The following PDZD2 variants were observed in gnomAD, a reference collection of about 807,000 sequenced individuals.
The protein encoded by PDZD2 is PDZ domain containing 2, also known as PDZ domain-containing protein 2.
In PDZD2, 90 loss-of-function variants were observed where a neutral mutation model predicts 220.7. The ratio of observed to expected loss-of-function variants is 0.41; its 90% confidence interval spans 0.34 to 0.49. The LOEUF is 0.49. Among genes scored for constraint, PDZD2 ranks in the 20% least tolerant of loss-of-function variants. The probability of loss-of-function intolerance (pLI) is 0.28; values close to 1 mark genes in which losing one functional copy is unlikely to be tolerated. For synonymous variants in PDZD2, 1,375 were observed against 1,450.5 expected (o/e 0.95, Z 1.18); for missense variants, 3,174 against 3,608.5 (o/e 0.88, Z 3.08).
intron 1 of PDZD2, among the ~76,000 whole-genome samples, chr5:31,725,292 C>T (rs1214055161): frequency 7.2e-6 from 1 of 138,500 alleles, no homozygotes; most frequent in African/African-American, 2.7e-5. Flanking sequence ...GAGCCAAGAT[C>T]ATGCCATTGC....
In PDZD2 at chr5:32,089,048, G is replaced by C. The variant is rs1246727573; in HGVS notation, c.5600G>C (p.Ser1867Thr). 1 of 1,613,942 alleles carries C rather than the reference G, an allele frequency of 6.2e-7. No individual in the cohort carries two copies. The highest frequency in any genetic ancestry group is 8.5e-7 in the Non-Finnish European group (1 of 1,179,984). ...NLENKDLSKK[S>T]PAEMLLTNGQ... ...GAAAATAAGGACCTGTCTAAGAAGA[G>C]TCCGGCAGAAATGCTTCTGACTAAT... Residue 1867 changes from serine (S) to threonine (T), a missense_variant, in exon 20 of 25, where the codon AGT becomes ACT. By Grantham distance (58) the Ser-to-Thr change is moderately conservative. Around this residue, in one of 4 missense-constraint regions of PDZD2, gnomAD observed 1,861 missense variants for 2,001.0 expected, o/e 0.93. Coordinates refer to ENST00000438447, the MANE Select transcript of PDZD2 (RefSeq NM_178140.4).
chr5:32,050,562 G>T (rs762109735), intron 8 of PDZD2, among the ~76,000 whole-genome samples: 1 of 151,902 alleles, frequency 6.6e-6, no homozygotes, highest in Non-Finnish European at 1.5e-5. Flanking sequence ...GATCATGCCC[G>T]TAATCCCAGC....
At chr5:31,908,932 A>G in intron 2 of PDZD2, 1 of 342,526 alleles carries the variant, frequency 2.9e-6, no homozygotes, top group Non-Finnish European at 5.5e-6. Flanking sequence ...CTGTAATCCC[A>G]GCTACTTGGG....
At chr5:31,973,012 T>C (rs1262611966) in intron 2 of PDZD2, among the ~76,000 whole-genome samples, 1 of 152,260 alleles carries the variant, frequency 6.6e-6, no homozygotes, top group Non-Finnish European at 1.5e-5. Context: ...AGGGCCAGTA[T>C]CTCTGCAGTA....
intron 2 of PDZD2, among the ~76,000 whole-genome samples, chr5:31,946,874 A>C (rs1205361210): frequency 6.6e-6 from 1 of 152,126 alleles, no homozygotes; most frequent in Non-Finnish European, 1.5e-5. Flanking sequence ...GTTTTTAAAA[A>C]TATTTTTTGT....
intron 6 of PDZD2, among the ~76,000 whole-genome samples, chr5:32,028,164 C>T (rs1206449272): frequency 6.6e-6 from 1 of 152,154 alleles, no homozygotes; most frequent in Non-Finnish European, 1.5e-5. Context: ...GAGATAAAAG[C>T]CACGCTTTGC....
intron 1 of PDZD2, among the ~76,000 whole-genome samples, chr5:31,703,105 C>T (rs1747669832): frequency 6.6e-6 from 1 of 152,232 alleles, no homozygotes; most frequent in South Asian, 2.1e-4. Context: ...TTCATGCTCT[C>T]TGAATGGGAA....
chr5:32,028,712 C>T lies in PDZD2; in HGVS notation c.1408-8519C>T, dbSNP rs371100556. Among the ~76,000 whole-genome samples the T allele has an allele frequency of 8.8e-5, 12 of 136,386 alleles. No individual in the cohort carries two copies. In the East Asian group the frequency reaches 2.1e-3, roughly 24 times the overall value. 89.5% of individuals were successfully genotyped at this position (136,386 alleles called of 152,430 possible). A position where few individuals can be genotyped will look rare whatever the true frequency, so the allele number is the denominator to read the frequency against. On this transcript the variant is annotated intron_variant, in intron 6 of 24. Coordinates refer to ENST00000438447, the MANE Select transcript of PDZD2 (RefSeq NM_178140.4). ...TTTTTTTTTTTTTGAGACAGAGTCTCGCTCTTGTTGCCCAGGCTGGAGTGC... is the reference window on the plus strand; with the variant it reads ...TTTTTTTTTTTTTGAGACAGAGTCTTGCTCTTGTTGCCCAGGCTGGAGTGC...
chr5:32,050,553 A>T (rs942119731), intron 8 of PDZD2, among the ~76,000 whole-genome samples: 9 of 152,058 alleles, frequency 5.9e-5, no homozygotes, highest in Non-Finnish European at 1.0e-4. Context: ...TACAACCAGG[A>T]TCATGCCCGT....
intron 2 of PDZD2, among the ~76,000 whole-genome samples, chr5:31,914,209 G>T (rs1437819380): frequency 6.6e-6 from 1 of 152,198 alleles, no homozygotes; most frequent in Non-Finnish European, 1.5e-5. Flanking sequence ...AAAGTTTATT[G>T]CATTGTCATT....
intron 2 of PDZD2, chr5:31,832,675 G>T (rs1756683229): frequency 6.6e-6 from 1 of 152,152 alleles, no homozygotes; most frequent in African/African-American, 2.4e-5. Flanking sequence ...AATAAGCCAG[G>T]CACGGTGGCG....
At chr5:31,886,816 G>T (rs1238065255) in intron 2 of PDZD2, among the ~76,000 whole-genome samples, 2 of 151,982 alleles carry the variant, frequency 1.3e-5, no homozygotes, top group East Asian at 3.9e-4. Flanking sequence ...TCCTGCCTCA[G>T]CCTCCCGAGT....
At chr5:31,804,043 C>CA (rs59174858) in intron 2 of PDZD2, among the ~76,000 whole-genome samples, 21,709 of 130,580 alleles carry the variant, frequency 0.17, 1,721 homozygotes, top group African/African-American at 0.2. Flanking sequence ...ACCCTGCGTC[C>CA]AAAAAAAAAA....
chr5:31,828,443 C>A (rs2150265175), intron 2 of PDZD2, among the ~76,000 whole-genome samples: 1 of 152,298 alleles, frequency 6.6e-6, no homozygotes, highest in South Asian at 2.1e-4. Flanking sequence ...ATGTTGAACA[C>A]CTTTTCATGT....
chr5:31,986,076 CA>C (rs55659088), intron 3 of PDZD2, among the ~76,000 whole-genome samples: 21,846 of 102,358 alleles, frequency 0.21, 1,594 homozygotes, highest in Middle Eastern at 0.3. Context: ...ACTCTTGTCT[CA>C]AAAAAAAAAA....
Position 32,075,691 on chromosome 5 carries a change from A to G in PDZD2, c.3537+1048A>G, listed in dbSNP as rs376241970. ...ACAGTACGAGAAATCAATGTTGTTT[A>G]TAATCTCCTTAACATAAATAACTTC... On this transcript the variant is annotated intron_variant, in intron 18 of 24. Coordinates refer to ENST00000438447, the MANE Select transcript of PDZD2 (RefSeq NM_178140.4). Among the ~76,000 whole-genome samples the G allele has an allele frequency of 5.3e-5, 8 of 152,348 alleles. No homozygotes were observed. In the East Asian group the frequency reaches 5.8e-4, roughly 11 times the overall value.
intron 4 of PDZD2, among the ~76,000 whole-genome samples, chr5:31,998,294 AC>A (rs1240641527): frequency 6.6e-6 from 1 of 152,092 alleles, no homozygotes; most frequent in Non-Finnish European, 1.5e-5. Flanking sequence ...ACCATTCCAA[AC>A]AACTAGTGGG....
At chr5:31,918,335 G>A (rs1315863003) in intron 2 of PDZD2, among the ~76,000 whole-genome samples, 1 of 152,184 alleles carries the variant, frequency 6.6e-6, no homozygotes, top group Non-Finnish European at 1.5e-5. Context: ...AAGGTCACTG[G>A]CATGTTCCAT....
Position 32,077,483 on chromosome 5 carries a change from A to G in PDZD2, c.3559A>G (p.Thr1187Ala). 1 of 1,614,012 alleles carries G rather than the reference A, an allele frequency of 6.2e-7. No individual in the cohort carries two copies. Residue 1187 changes from threonine to alanine, a missense_variant, in exon 19 of 25, where the codon ACT becomes GCT. Transcript: ENST00000438447. ...VEKESLGKLTTGDACVSTSCE... is the reference protein window; with the variant it reads ...VEKESLGKLTAGDACVSTSCE... Reference sequence around the variant, plus strand: ...CCAGGAATCTCTGGGAAAGCTGACCACTGGAGATGCTTGTGTCTCTACCAG... The same window carrying G: ...CCAGGAATCTCTGGGAAAGCTGACCGCTGGAGATGCTTGTGTCTCTACCAG...
Sources: allele counts gnomAD v4.1 joint callset (sites outside exome capture counted in the v4.1 genomes callset), GRCh38; gene constraint gnomAD v4.1.1; regional missense constraint gnomAD v4.1.1; transcripts MANE v1.5; gene names NCBI Gene and HGNC (gene_info 2026-07-23, HGNC 2026-07-21).